LYSMD1: variants seen among roughly 807,000 people sequenced by gnomAD.
LYSMD1 encodes the protein lysM and putative peptidoglycan-binding domain-containing protein 1.
Under a neutral mutation model 19.3 loss-of-function variants are expected in LYSMD1, and 9 were observed. The ratio of observed to expected loss-of-function variants is 0.47; its 90% confidence interval spans 0.28 to 0.81. LYSMD1 has a LOEUF of 0.81. LYSMD1 is among the 40% of genes least tolerant of loss of function. The pLI is 0.11. For missense variants in LYSMD1, 262 were observed against 279.8 expected (o/e 0.94, Z 0.45); for synonymous variants, 111 against 111.7 (o/e 0.99, Z 0.04).
the LYSMD1 span, among the ~76,000 whole-genome samples, chr1:151,150,485 CACT>C: frequency 2.0e-5 from 3 of 152,066 alleles, no homozygotes; most frequent in African/African-American, 7.2e-5. Context: ...CCCATCAGTC[CACT>C]GAGATTGCTC....
chr1:151,162,210 C>A, intron 1 of LYSMD1, 110 bp from the exon 2 acceptor site: 2 of 1,065,014 alleles, frequency 1.9e-6, no homozygotes, highest in Non-Finnish European at 2.7e-6. Flanking sequence ...AACAACCAAG[C>A]TAAAGTACAA....
the LYSMD1 span, among the ~76,000 whole-genome samples, chr1:151,152,537 T>C: frequency 6.0e-4 from 87 of 146,104 alleles, 1 homozygote; most frequent in Middle Eastern, 0.034. Context: ...CCGTCTCTAC[T>C]AAAAATACAA....
chr1:151,161,459 T>G (rs1174573862), intron 2 of LYSMD1, among the ~76,000 whole-genome samples: 1 of 150,934 alleles, frequency 6.6e-6, no homozygotes, highest in African/African-American at 2.4e-5. Context: ...ATCGCGCCAC[T>G]GCACTCCAGC....
downstream of LYSMD1, chr1:151,159,183 T>C (rs759528394): frequency 4.3e-6 from 7 of 1,614,222 alleles, no homozygotes; most frequent in Middle Eastern, 1.6e-4. Context: ...TCTATGGGCC[T>C]GACTTCACTC....
At chr1:151,164,079 A>G (rs1295875830) in intron 1 of LYSMD1, among the ~76,000 whole-genome samples, 17 of 152,000 alleles carry the variant, frequency 1.1e-4, no homozygotes, top group Admixed American at 1.1e-3. Flanking sequence ...TTTTTAGTAG[A>G]GACAGGGTTT....
rs1459182017 is a variant in LYSMD1, at chr1:151,165,828, G to A, written c.-570C>T. The stretch of plus-strand genomic sequence containing the variant: ...ATTTCGGCTCCACATCTAGGTTGTT[G>A]TCCCTCCAAACGCCTCAGATCCGCC... On this transcript the variant is annotated 5_prime_UTR_variant, in exon 1 of 3. Coordinates refer to ENST00000368908, the MANE Select transcript of LYSMD1 (RefSeq NM_212551.5). 1 of 1,486,710 alleles carries A rather than the reference G, an allele frequency of 6.7e-7. No individual in the cohort carries two copies. The highest frequency in any genetic ancestry group is 2.0e-5 in the Admixed American group (1 of 50,938). The allele number at this position is 1,486,710 out of a possible 1,614,324, so 92.1% of individuals were successfully genotyped here.
rs1415680456 is a variant in LYSMD1 at position 151,160,672 on chromosome 1, G to T, written c.*210C>A. ...GGACTCAACTCTAGATTCAGCCCAA[G>T]AACTGGGAAAGGTCCAGTTCCCATT... On this transcript the variant is annotated 3_prime_UTR_variant, in exon 3 of 3. Coordinates refer to ENST00000368908, the MANE Select transcript of LYSMD1 (RefSeq NM_212551.5). The T allele has an allele frequency of 2.1e-6, 1 of 466,410 alleles. No individual in the cohort carries two copies. The highest frequency in any genetic ancestry group is 3.4e-5 in the East Asian group (1 of 29,002). 28.9% of individuals were successfully genotyped at this position (466,410 alleles called of 1,614,324 possible).
At chr1:151,156,487 T>C (rs1683226055), downstream of LYSMD1, 1 of 152,212 alleles carries the variant, frequency 6.6e-6, no homozygotes, top group Non-Finnish European at 1.5e-5. Context: ...CTTCAAAGAA[T>C]TGAGACTATT....
At chr1:151,161,600 C>T (rs1683459872) in intron 2 of LYSMD1, 136 bp downstream of exon 2, 1 of 1,156,766 alleles carries the variant, frequency 8.6e-7, no homozygotes, top group Non-Finnish European at 1.2e-6. Flanking sequence ...TGCTCATTAT[C>T]TTGGGGCCAC....
the LYSMD1 span, among the ~76,000 whole-genome samples, chr1:151,151,929 TA>T: frequency 0.016 from 2,082 of 129,066 alleles, 15 homozygotes; most frequent in Non-Finnish European, 0.02. Flanking sequence ...AACTCCATCT[TA>T]AAAAAAAAAA....
chr1:151,159,611 G>GA, downstream of LYSMD1: 1 of 249,682 alleles, frequency 4.0e-6, no homozygotes, highest in Non-Finnish European at 8.6e-6. Flanking sequence ...CCCCTTTGGG[G>GA]ATACTAAAGA....
At chr1:151,161,387 C>T (rs887327025) in intron 2 of LYSMD1, among the ~76,000 whole-genome samples, 1 of 152,126 alleles carries the variant, frequency 6.6e-6, no homozygotes, top group African/African-American at 2.4e-5. Flanking sequence ...GTCCCAGCTA[C>T]TCGGGAGGCT....
At chr1:151,161,123 G>A (rs1290021768) in intron 2 of LYSMD1, 103 bp from the exon 3 acceptor site, 8 of 1,321,266 alleles carry the variant, frequency 6.1e-6, no homozygotes, top group Non-Finnish European at 8.5e-6. Context: ...TACATAAGCT[G>A]GTTGCTTCAA....
the LYSMD1 span, among the ~76,000 whole-genome samples, chr1:151,150,561 T>C: frequency 6.6e-6 from 1 of 152,114 alleles, no homozygotes; most frequent in Non-Finnish European, 1.5e-5. Flanking sequence ...TCTTTATCCT[T>C]TTGCCCTCTC....
At chr1:151,161,095 T>C in intron 2 of LYSMD1, 75 bp from the exon 3 acceptor site, 3 of 1,528,508 alleles carry the variant, frequency 2.0e-6, no homozygotes, top group African/African-American at 1.4e-5. Flanking sequence ...GAGAGGTACA[T>C]GGAAAGCTAT....
chr1:151,165,282 G>A lies in LYSMD1; in HGVS notation c.-24C>T. The A allele has an allele frequency of 6.2e-7, 1 of 1,604,946 alleles. No homozygotes were observed. The highest frequency in any genetic ancestry group is 2.2e-5 in the East Asian group (1 of 44,722). ...ATCTCTTCACCCTGCCAACAGCTAA[G>A]GTTGCAACTAGGGGAGGTACGACCG... On this transcript the variant is annotated 5_prime_UTR_variant, in exon 1 of 3. Coordinates refer to ENST00000368908, the MANE Select transcript of LYSMD1 (RefSeq NM_212551.5).
rs1165282878 is a variant in LYSMD1 at position 151,165,536 on chromosome 1, A to T, written c.-278T>A. On this transcript the variant is annotated 5_prime_UTR_variant, in exon 1 of 3. An upstream open reading frame in the 5' UTR loses its in-frame stop. Transcript: ENST00000368908. ...TTGGACTCCCCCACAACTCCTCGCT[A>T]CATTGACCTCTGACCTTTGAACTCT... 1 of 1,451,728 alleles carries T rather than the reference A, an allele frequency of 6.9e-7. No homozygotes were observed. The highest frequency in any genetic ancestry group is 9.0e-7 in the Non-Finnish European group (1 of 1,108,662). The allele number at this position is 1,451,728 out of a possible 1,614,324, so 89.9% of individuals were successfully genotyped here.
downstream of LYSMD1, chr1:151,158,763 G>A (rs749211399): frequency 1.9e-5 from 31 of 1,613,818 alleles, no homozygotes; most frequent in Admixed American, 2.8e-4. Flanking sequence ...GTAAGATGGC[G>A]GGTCGCTCTG....
chr1:151,165,814 A>C lies in LYSMD1; in HGVS notation c.-556T>G, dbSNP rs1185519597. On this transcript the variant is annotated 5_prime_UTR_variant, in exon 1 of 3. Coordinates refer to ENST00000368908, the MANE Select transcript of LYSMD1 (RefSeq NM_212551.5). ...GGTCACACCCTCAAATTTCGGCTCC[A>C]CATCTAGGTTGTTGTCCCTCCAAAC... The C allele has an allele frequency of 6.5e-7, 1 of 1,529,548 alleles. No individual in the cohort carries two copies. The highest frequency in any genetic ancestry group is 2.0e-5 in the Admixed American group (1 of 50,988). 94.7% of individuals were successfully genotyped at this position (1,529,548 alleles called of 1,614,324 possible).
Sources: allele counts gnomAD v4.1 joint callset (sites outside exome capture counted in the v4.1 genomes callset), GRCh38; gene constraint gnomAD v4.1.1; transcripts MANE v1.5; gene names NCBI Gene and HGNC (gene_info 2026-07-23, HGNC 2026-07-21).